PRKCE: variants seen among roughly 807,000 people sequenced by gnomAD.
PRKCE encodes the protein protein kinase C epsilon.
A neutral mutation model predicts 85.4 loss-of-function variants in PRKCE; 16 were observed. The observed-to-expected ratio is 0.19, with a 90% confidence interval of 0.13 to 0.28. The LOEUF (loss-of-function observed/expected upper bound fraction) is 0.28. PRKCE is among the 10% of genes least tolerant of loss of function. PRKCE has a pLI of 1.00. For missense variants in PRKCE, 573 were observed against 975.2 expected (o/e 0.59, Z 5.49); for synonymous variants, 388 against 371.5 (o/e 1.04, Z -0.51).
In PRKCE at chr2:46,041,346, G is replaced by A. The variant is rs938774757; in HGVS notation, c.1437+30829G>A. On this transcript the variant is annotated intron_variant, in intron 10 of 14. Transcript: ENST00000306156. This position sits in a 1 kb window ranked among gnomAD's most constrained non-coding sequence, Gnocchi z 5.5. ...TTTTTCCTTCCATAAGTCAATATCT[G>A]ATGCTTTGATTTTCTTAAGTCATGT... Among the ~76,000 whole-genome samples the A allele has an allele frequency of 2.0e-5, 3 of 152,134 alleles. No individual in the cohort carries two copies. Among genetic ancestry groups the A allele is most frequent in the Admixed American group, 6.5e-5 (1 of 15,268 alleles).
intron 1 of PRKCE, among the ~76,000 whole-genome samples, chr2:45,768,027 T>C (rs1685044695): frequency 6.6e-6 from 1 of 152,224 alleles, no homozygotes; most frequent in Admixed American, 6.5e-5. Flanking sequence ...TCCTTGGCAT[T>C]GGTGCCAGTG....
At position 45,884,993 on chromosome 2, in the gene PRKCE, A is replaced by G. The variant is rs200677667; in HGVS notation, c.412+41930A>G. ...TATATATATATATATATATATATAT[A>G]TATATATATTTGTTGTTGTTGTTGT... On this transcript the variant is annotated intron_variant, in intron 2 of 14. Transcript: ENST00000306156. 3.8e-3 allele frequency among the ~76,000 whole-genome samples: 264 copies of G among 68,590 alleles called. 19 individuals are homozygous for G. Among genetic ancestry groups the G allele is most frequent in the Admixed American group, 9.1e-3 (52 of 5,700 alleles). 45.0% of individuals were successfully genotyped at this position (68,590 alleles called of 152,430 possible). A position where few individuals can be genotyped will look rare whatever the true frequency, so the allele number is the denominator to read the frequency against.
Position 45,978,983 on chromosome 2 carries a change from A to C in PRKCE, c.580A>C (p.Ile194Leu). 1 of 1,599,260 alleles carries C rather than the reference A, an allele frequency of 6.3e-7. No individual in the cohort carries two copies. Among genetic ancestry groups the C allele is most frequent in the Non-Finnish European group, 8.5e-7 (1 of 1,179,612 alleles). ...TGTTATTCTTCTTTTCAGGGGTGTC[A>C]TAGGAAAGCAGGGATACCAGTGTCA... Reference protein sequence around the residue: ...SHCRDFIWGVIGKQGYQCQVC... With the variant: ...SHCRDFIWGVLGKQGYQCQVC... The change falls in exon 4 of 15, where the codon ATA becomes CTA. Residue 194 changes from isoleucine (I) to leucine (L), a missense_variant. Physicochemically the swap from Ile to Leu is conservative, Grantham distance 5. Around this residue, in one of 11 missense-constraint regions of PRKCE, gnomAD observed 29 missense variants for 96.2 expected, o/e 0.30. Transcript: ENST00000306156.
intron 1 of PRKCE, among the ~76,000 whole-genome samples, chr2:45,683,778 C>T (rs1009482919): frequency 2.0e-5 from 3 of 152,190 alleles, no homozygotes; most frequent in Non-Finnish European, 2.9e-5. Flanking sequence ...TTGTGTGCTC[C>T]GTCCTCCCAG....
chr2:46,103,754 T>A (rs1456394424), intron 11 of PRKCE, among the ~76,000 whole-genome samples: 2 of 152,174 alleles, frequency 1.3e-5, no homozygotes, highest in African/African-American at 4.8e-5. Context: ...AAAATATTTA[T>A]AGAAAATCAT....
At position 45,986,063 on chromosome 2, in the gene PRKCE, G is replaced by A. The variant is rs148939155; in HGVS notation, c.823+1383G>A. The stretch of plus-strand genomic sequence containing the variant: ...CCAAGGGTGGGCCTGCCAAGGCAAT[G>A]AGAGGGAAGCACTCACAGGTAGGAG... On this transcript the variant is annotated intron_variant, in intron 6 of 14. Transcript: ENST00000306156. Among the ~76,000 whole-genome samples the A allele has an allele frequency of 2.1e-3, 320 of 152,386 alleles. 2 individuals are homozygous for A. Among genetic ancestry groups the A allele is most frequent in the African/African-American group, 7.3e-3 (304 of 41,596 alleles).
chr2:46,028,656 A>G (rs1293489369), intron 10 of PRKCE, among the ~76,000 whole-genome samples: 1 of 152,236 alleles, frequency 6.6e-6, no homozygotes, highest in Non-Finnish European at 1.5e-5. Flanking sequence ...AAGAATGATA[A>G]TAACTGATGT....
intron 1 of PRKCE, among the ~76,000 whole-genome samples, chr2:45,720,178 G>C (rs1158478949): frequency 1.3e-4 from 20 of 152,164 alleles, no homozygotes; most frequent in Non-Finnish European, 1.5e-5. Context: ...ACTGTAGCAA[G>C]GTGCAGTAGG....
chr2:45,659,434 C>G (rs1675532502), intron 1 of PRKCE, among the ~76,000 whole-genome samples: 1 of 152,200 alleles, frequency 6.6e-6, no homozygotes, highest in South Asian at 2.1e-4. Flanking sequence ...TATCTCACAC[C>G]TGGATTATTT....
chr2:46,112,079 G>C (rs2104234255), intron 11 of PRKCE, among the ~76,000 whole-genome samples: 1 of 152,232 alleles, frequency 6.6e-6, no homozygotes, highest in African/African-American at 2.4e-5. Flanking sequence ...CCTGTTGTTA[G>C]TTGTATACCT....
At chr2:45,686,665 G>A (rs1677323485) in intron 1 of PRKCE, among the ~76,000 whole-genome samples, 1 of 152,056 alleles carries the variant, frequency 6.6e-6, no homozygotes, top group African/African-American at 2.4e-5. Flanking sequence ...AACTACCTCT[G>A]CCAGATATTG....
intron 1 of PRKCE, among the ~76,000 whole-genome samples, chr2:45,684,376 A>C (rs1043757080): frequency 1.4e-4 from 22 of 152,334 alleles, no homozygotes; most frequent in Admixed American, 1.4e-3. Flanking sequence ...GGGCTATTTC[A>C]TCTGTGCTCA....
chr2:46,029,190 G>T (rs546766583), intron 10 of PRKCE, among the ~76,000 whole-genome samples: 2 of 152,128 alleles, frequency 1.3e-5, no homozygotes, highest in Admixed American at 1.3e-4. Context: ...CTTTGCAATA[G>T]TCCTGAGAGG....
At chr2:45,828,555 T>C (rs932053411) in intron 1 of PRKCE, among the ~76,000 whole-genome samples, 1 of 152,258 alleles carries the variant, frequency 6.6e-6, no homozygotes, top group Admixed American at 6.5e-5. Flanking sequence ...ATTATACTTT[T>C]CAAGATATAT....
chr2:45,900,524 C>T (rs553548155), intron 2 of PRKCE, among the ~76,000 whole-genome samples: 1 of 152,326 alleles, frequency 6.6e-6, no homozygotes, highest in East Asian at 1.9e-4. Flanking sequence ...CAAAAGCACA[C>T]ATATTCTATG....
chr2:45,885,001 A>ATATT lies in PRKCE; in HGVS notation c.412+41939_412+41940insATTT, dbSNP rs1342824133. Among the ~76,000 whole-genome samples the ATATT allele has an allele frequency of 3.0e-3, 218 of 71,514 alleles. 22 individuals carry two copies. Among genetic ancestry groups the ATATT allele is most frequent in the African/African-American group, 0.012 (204 of 17,294 alleles). 46.9% of individuals were successfully genotyped at this position (71,514 alleles called of 152,430 possible). A position where few individuals can be genotyped will look rare whatever the true frequency, so the allele number is the denominator to read the frequency against. ...TATATATATATATATATATATATAT[A>ATATT]TTTGTTGTTGTTGTTGTTGTTTTAC... is the stretch of plus-strand genomic sequence containing the variant. On this transcript the variant is annotated intron_variant, in intron 2 of 14. Transcript: ENST00000306156.
rs571447127 is a variant in PRKCE at position 46,178,110 on chromosome 2, G to A, written c.2068-6625G>A. On this transcript the variant is annotated intron_variant, in intron 14 of 14. Coordinates refer to ENST00000306156, the MANE Select transcript of PRKCE (RefSeq NM_005400.3). ...CCCCATCTCTACTAAAAATACAAAAGCTAGCCAGGCGTGGTGGCACATGCC... is the reference window on the plus strand; with the variant it reads ...CCCCATCTCTACTAAAAATACAAAAACTAGCCAGGCGTGGTGGCACATGCC... Among the ~76,000 whole-genome samples the A allele has an allele frequency of 2.0e-4, 30 of 152,258 alleles. No homozygotes were observed. The South Asian group carries it at 6.0e-3, about 31-fold the overall frequency.
At position 45,838,322 on chromosome 2, in the gene PRKCE, C is replaced by T. The variant is rs145882405; in HGVS notation, c.349-4678C>T. Among the ~76,000 whole-genome samples the T allele has an allele frequency of 2.0e-3, 300 of 152,340 alleles. 2 individuals are homozygous for T. Among genetic ancestry groups the T allele is most frequent in the African/African-American group, 7.1e-3 (294 of 41,580 alleles). On this transcript the variant is annotated intron_variant, in intron 1 of 14. Coordinates refer to ENST00000306156, the MANE Select transcript of PRKCE (RefSeq NM_005400.3). ...TGACTTGCAAGCTCTGTTGACCTCTCCTCTGTGCCCCAGGCTGACCTGGGT... is the reference window on the plus strand; with the variant it reads ...TGACTTGCAAGCTCTGTTGACCTCTTCTCTGTGCCCCAGGCTGACCTGGGT...
chr2:45,705,308 C>T (rs1679020278), intron 1 of PRKCE, among the ~76,000 whole-genome samples: 1 of 152,198 alleles, frequency 6.6e-6, no homozygotes, highest in Admixed American at 6.5e-5. Flanking sequence ...CTGCTTGAAA[C>T]TCTAGTTGCG....
Sources: allele counts gnomAD v4.1 joint callset (sites outside exome capture counted in the v4.1 genomes callset), GRCh38; gene constraint gnomAD v4.1.1; regional missense constraint gnomAD v4.1.1; non-coding constraint Gnocchi (gnomAD v3.1); transcripts MANE v1.5; gene names NCBI Gene and HGNC (gene_info 2026-07-23, HGNC 2026-07-21).